Variants in ROBO2 observed in about 807,000 individuals in gnomAD.
ROBO2 encodes the protein roundabout homolog 2.
ROBO2 carries 53 observed loss-of-function variants against 160.8 expected under a neutral mutation model. The observed-to-expected ratio is 0.33, with a 90% CI of 0.26 to 0.41. The LOEUF is 0.41. Ranked by LOEUF, ROBO2 falls within the 10% of genes least tolerant of loss-of-function variation. ROBO2 has a pLI of 1.00. For missense variants in ROBO2, 1,577 were observed against 1,722.4 expected (o/e 0.92, Z 1.49); for synonymous variants, 664 against 611.7 (o/e 1.09, Z -1.26).
At chr3:76,541,337 A>G (rs914401534) in intron 2 of ROBO2, among the ~76,000 whole-genome samples, 1 of 152,210 alleles carries the variant, frequency 6.6e-6, no homozygotes, top group African/African-American at 2.4e-5. Context: ...AATTTATGAC[A>G]CAGCTATGCT....
intron 2 of ROBO2, among the ~76,000 whole-genome samples, chr3:76,429,619 G>T (rs2076356274): frequency 6.6e-6 from 1 of 152,152 alleles, no homozygotes; most frequent in African/African-American, 2.4e-5. Flanking sequence ...AAACTAAGTA[G>T]AACATTTCAT....
intron 2 of ROBO2, chr3:76,434,046 G>T: frequency 7.8e-7 from 1 of 1,287,574 alleles, no homozygotes; most frequent in Non-Finnish European, 1.1e-6. Flanking sequence ...CTGGTAGAAA[G>T]ACTGGAGAGG....
At chr3:77,117,096 C>T (rs191780435) in intron 2 of ROBO2, among the ~76,000 whole-genome samples, 3 of 152,260 alleles carry the variant, frequency 2.0e-5, no homozygotes, top group Non-Finnish European at 2.9e-5. Context: ...GGTTTACACA[C>T]AAGGCTGGAA....
chr3:77,418,211 T>C (rs2088790186), intron 2 of ROBO2, among the ~76,000 whole-genome samples: 1 of 152,158 alleles, frequency 6.6e-6, no homozygotes, highest in Non-Finnish European at 1.5e-5. Context: ...TTTCTTCAAA[T>C]TGATATCAAC....
chr3:77,619,846 C>T (rs1295798593), intron 22 of ROBO2, among the ~76,000 whole-genome samples: 3 of 151,976 alleles, frequency 2.0e-5, no homozygotes, highest in South Asian at 2.1e-4. Flanking sequence ...TCTCTTGGGT[C>T]GAGGTTCAAT....
At chr3:77,602,673 A>ACCACCGCCACCACCACCG (rs2094454589) in intron 20 of ROBO2, among the ~76,000 whole-genome samples, 182 bp downstream of exon 21, 1 of 122,832 alleles carries the variant, frequency 8.1e-6, no homozygotes, top group Non-Finnish European at 1.8e-5. Flanking sequence ...CACCACCACC[A>ACCACCGCCACCACCACCG]CCACCACCAC....
intron 2 of ROBO2, among the ~76,000 whole-genome samples, chr3:76,412,738 T>G (rs2075559375): frequency 6.6e-6 from 1 of 152,222 alleles, no homozygotes; most frequent in African/African-American, 2.4e-5. Flanking sequence ...TGCAGGATAC[T>G]GCCTCCCTCC....
intron 2 of ROBO2, among the ~76,000 whole-genome samples, chr3:77,023,760 T>C (rs2062785069): frequency 6.6e-6 from 1 of 152,170 alleles, no homozygotes; most frequent in South Asian, 2.1e-4. Flanking sequence ...AACCTGCCTA[T>C]ACTAATGAAA....
rs140132745 is a variant in ROBO2, at chr3:75,961,605, G to A, written c.109+24003G>A. The stretch of plus-strand genomic sequence containing the variant: ...CATTCTTTATAATGTTTGGGGCTGG[G>A]TCAGGGAGAAGGTAATGAAAAGAGA... On this transcript the variant is annotated intron_variant, in intron 2 of 26. Transcript: ENST00000487694. Among the ~76,000 whole-genome samples, 17 of 151,752 alleles carry A rather than the reference G, an allele frequency of 1.1e-4. No individual in the cohort carries two copies. In the South Asian group the frequency reaches 2.7e-3, roughly 24 times the overall value.
chr3:77,109,190 T>C (rs1401442703), intron 2 of ROBO2, among the ~76,000 whole-genome samples: 1 of 152,250 alleles, frequency 6.6e-6, no homozygotes, highest in African/African-American at 2.4e-5. Flanking sequence ...TACCTTCTAC[T>C]GGTCGGTACT....
At chr3:76,851,311 A>G (rs982482716) in intron 2 of ROBO2, among the ~76,000 whole-genome samples, 1 of 152,214 alleles carries the variant, frequency 6.6e-6, no homozygotes, top group African/African-American at 2.4e-5. Context: ...TGGCTACTGT[A>G]TTGGACAGAA....
At chr3:77,521,100 C>T (rs1177557156) in intron 5 of ROBO2, among the ~76,000 whole-genome samples, 1 of 151,152 alleles carries the variant, frequency 6.6e-6, no homozygotes, top group Non-Finnish European at 1.5e-5. Context: ...TTTTTGTGTG[C>T]CTGTTTTAAG....
intron 17 of ROBO2, among the ~76,000 whole-genome samples, chr3:77,592,481 T>C (rs976524243): frequency 2.0e-5 from 3 of 152,106 alleles, no homozygotes; most frequent in Admixed American, 1.3e-4. Context: ...GGGCCATACA[T>C]ACTATAGTGT....
chr3:76,922,809 G>A (rs954292421), intron 2 of ROBO2, among the ~76,000 whole-genome samples: 2 of 152,154 alleles, frequency 1.3e-5, no homozygotes, highest in South Asian at 2.1e-4. Context: ...TAAAGGCCTC[G>A]TGCTCCACAC....
chr3:75,942,778 G>A (rs1279403775), intron 2 of ROBO2, among the ~76,000 whole-genome samples: 1 of 152,182 alleles, frequency 6.6e-6, no homozygotes, highest in African/African-American at 2.4e-5. Flanking sequence ...AATACCAGTG[G>A]ATTTACTTTA....
intron 2 of ROBO2, among the ~76,000 whole-genome samples, chr3:76,801,085 T>A (rs1378032722): frequency 6.6e-6 from 1 of 152,146 alleles, no homozygotes; most frequent in East Asian, 1.9e-4. Context: ...AAGAATGAGA[T>A]CCTGTCATTT....
At chr3:77,608,654 G>T (rs976153227) in intron 21 of ROBO2, among the ~76,000 whole-genome samples, 1 of 151,914 alleles carries the variant, frequency 6.6e-6, no homozygotes, top group Non-Finnish European at 1.5e-5. Context: ...CTAATTCCAA[G>T]AAAAACAAAA....
At chr3:76,560,200 T>C (rs960106692) in intron 2 of ROBO2, among the ~76,000 whole-genome samples, 2 of 152,134 alleles carry the variant, frequency 1.3e-5, no homozygotes, top group African/African-American at 4.8e-5. Context: ...AAAGCACCAC[T>C]GTGCTGCAAT....
intron 2 of ROBO2, among the ~76,000 whole-genome samples, chr3:77,002,578 A>T (rs1451290062): frequency 6.6e-6 from 1 of 152,006 alleles, no homozygotes; most frequent in Non-Finnish European, 1.5e-5. Context: ...TTAAAAAGTG[A>T]CATCTTTAGT....
Sources: allele counts gnomAD v4.1 joint callset (sites outside exome capture counted in the v4.1 genomes callset), GRCh38; gene constraint gnomAD v4.1.1; transcripts MANE v1.5; gene names NCBI Gene and HGNC (gene_info 2026-07-23, HGNC 2026-07-21).